Variants in RGS5 observed in about 807,000 individuals in gnomAD.
RGS5 encodes the protein regulator of G-protein signalling 5.
A neutral mutation model predicts 18.9 loss-of-function variants in RGS5; 20 were observed. The observed-to-expected ratio is 1.06, with a 90% CI of 0.74 to 1.54. The LOEUF is 1.54. Ranked by LOEUF, RGS5 falls within the 40% of genes most tolerant of loss-of-function variation. RGS5 has a pLI of 0.00. For synonymous variants in RGS5, 57 were observed against 76.2 expected (o/e 0.75, Z 1.31); for missense variants, 201 against 211.8 (o/e 0.95, Z 0.32).
intron 2 of RGS5, among the ~76,000 whole-genome samples, chr1:163,299,899 T>C (rs561262576): frequency 6.6e-6 from 1 of 152,354 alleles, no homozygotes; most frequent in East Asian, 1.9e-4. Context: ...TCTCCAATTA[T>C]TCTGAGAATA....
chr1:163,153,490 G>T (rs57885985), intron 3 of RGS5, among the ~76,000 whole-genome samples: 13 of 151,990 alleles, frequency 8.6e-5, no homozygotes, highest in African/African-American at 3.1e-4. Flanking sequence ...CCCATGTAGC[G>T]TACTTACCAT....
intron 2 of RGS5, chr1:163,304,858 G>A (rs1330398615): frequency 1.3e-5 from 2 of 152,222 alleles, no homozygotes; most frequent in African/African-American, 4.8e-5. Flanking sequence ...CTAACAAGTA[G>A]TCTTCAATTG....
At position 163,317,282 on chromosome 1, in the gene RGS5, C is replaced by T. The variant is rs137990332; in HGVS notation, c.-378+4340G>A. Reference sequence around the variant, plus strand: ...ACTCGTACTTATCAAGCATCTCCAGCGTATAAAGATTTGTGCTAAGCTGTG... The same window carrying T: ...ACTCGTACTTATCAAGCATCTCCAGTGTATAAAGATTTGTGCTAAGCTGTG... On this transcript the variant is annotated intron_variant, in intron 1 of 5. Coordinates refer to the RGS5 transcript ENST00000618415. 5.7e-3 allele frequency among the ~76,000 whole-genome samples: 863 copies of T among 152,216 alleles called. 6 individuals are homozygous for T. The highest frequency in any genetic ancestry group is 7.6e-3 in the Admixed American group (116 of 15,290).
At chr1:163,298,794 T>A (rs1377743262) in intron 2 of RGS5, among the ~76,000 whole-genome samples, 1 of 152,162 alleles carries the variant, frequency 6.6e-6, no homozygotes, top group Non-Finnish European at 1.5e-5. Context: ...GAGCCCTTTC[T>A]TGTATTTGCT....
intron 1 of RGS5, among the ~76,000 whole-genome samples, chr1:163,185,341 A>G (rs191582043): frequency 2.6e-5 from 4 of 152,306 alleles, no homozygotes; most frequent in Non-Finnish European, 5.9e-5. Flanking sequence ...TAACAACTAT[A>G]AAATTGTCCA....
intron 1 of RGS5, among the ~76,000 whole-genome samples, chr1:163,216,866 C>T (rs189865003): frequency 2.0e-5 from 3 of 152,132 alleles, no homozygotes; most frequent in East Asian, 3.9e-4. Flanking sequence ...TGATTCACAG[C>T]GACCTCGCCA....
chr1:163,171,767 A>T (rs1658310377), intron 1 of RGS5, among the ~76,000 whole-genome samples: 1 of 152,238 alleles, frequency 6.6e-6, no homozygotes, highest in Non-Finnish European at 1.5e-5. Flanking sequence ...CTCATTGGTC[A>T]TGTTTACTGT....
chr1:163,196,711 A>G (rs547890601), intron 1 of RGS5, among the ~76,000 whole-genome samples: 112 of 152,146 alleles, frequency 7.4e-4, no homozygotes, highest in Non-Finnish European at 1.3e-3. Context: ...GGCTTTCCTC[A>G]TTATAGAAAT....
rs191613228 is a variant in RGS5 at position 163,222,740 on chromosome 1, A to G, written c.-280-54372T>C. Among the ~76,000 whole-genome samples, 16 of 152,330 alleles carry G rather than the reference A, an allele frequency of 1.1e-4. No homozygotes were observed. The East Asian group carries it at 2.9e-3, about 28-fold the overall frequency. ...GTGAACTGGCTTAGGTGTGGAAACT[A>G]GGTTAAAGACAGGGGTTCTTTGTTG... On this transcript the variant is annotated intron_variant, in intron 2 of 5. Coordinates refer to the RGS5 transcript ENST00000618415.
chr1:163,208,966 C>A (rs934124585), intron 1 of RGS5, among the ~76,000 whole-genome samples: 1 of 151,916 alleles, frequency 6.6e-6, no homozygotes. Context: ...AACTCTACAC[C>A]CTGCTAATAG....
chr1:163,205,265 G>C (rs996561654), upstream of RGS5, among the ~76,000 whole-genome samples: 2 of 147,756 alleles, frequency 1.4e-5, no homozygotes, highest in African/African-American at 5.0e-5. Flanking sequence ...ACAACATTGT[G>C]CCCATAGTTA....
At chr1:163,219,926 A>G (rs1056928367), upstream of RGS5, among the ~76,000 whole-genome samples, 1 of 152,134 alleles carries the variant, frequency 6.6e-6, no homozygotes, top group Non-Finnish European at 1.5e-5. Flanking sequence ...TGTTGGCTAC[A>G]TATACCTAGG....
At chr1:163,263,877 T>A (rs1453179111) in intron 2 of RGS5, among the ~76,000 whole-genome samples, 1 of 151,396 alleles carries the variant, frequency 6.6e-6, no homozygotes, top group Non-Finnish European at 1.5e-5. Context: ...CCATGCCTTA[T>A]TTCCTGATCC....
intron 1 of RGS5, among the ~76,000 whole-genome samples, chr1:163,319,814 A>G (rs763797845): frequency 1.6e-4 from 25 of 152,170 alleles, no homozygotes; most frequent in African/African-American, 5.6e-4. Flanking sequence ...AAAGAATACT[A>G]AAGTTTTCTG....
At chr1:163,154,275 C>T (rs1005995758) in intron 3 of RGS5, among the ~76,000 whole-genome samples, 9 of 152,050 alleles carry the variant, frequency 5.9e-5, no homozygotes, top group South Asian at 2.1e-4. Flanking sequence ...AAAACAAAGA[C>T]GCTATATATA....
chr1:163,263,919 G>A (rs2101707565), intron 2 of RGS5, among the ~76,000 whole-genome samples: 1 of 151,226 alleles, frequency 6.6e-6, no homozygotes, highest in South Asian at 2.1e-4. Context: ...AGGTGTAATT[G>A]AGTTAAATTG....
intron 2 of RGS5, among the ~76,000 whole-genome samples, chr1:163,301,123 T>C (rs1649540130): frequency 6.6e-6 from 1 of 152,202 alleles, no homozygotes; most frequent in South Asian, 2.1e-4. Flanking sequence ...GGAGGCATTA[T>C]CTATAAACAC....
chr1:163,163,519 A>G (rs1412170574), intron 2 of RGS5, among the ~76,000 whole-genome samples: 1 of 152,118 alleles, frequency 6.6e-6, no homozygotes, highest in African/African-American at 2.4e-5. Flanking sequence ...GATTATAATT[A>G]TGTCTCTATA....
intron 2 of RGS5, among the ~76,000 whole-genome samples, chr1:163,258,952 C>T (rs1227713718): frequency 6.6e-6 from 1 of 152,072 alleles, no homozygotes; most frequent in Non-Finnish European, 1.5e-5. Flanking sequence ...GCTGGGATTA[C>T]AGGTGTGAGC....
Sources: allele counts gnomAD v4.1 joint callset (sites outside exome capture counted in the v4.1 genomes callset), GRCh38; gene constraint gnomAD v4.1.1; transcripts MANE v1.5; gene names NCBI Gene and HGNC (gene_info 2026-07-23, HGNC 2026-07-21).